Variants in UBE2QL1 observed in about 807,000 individuals in gnomAD.
The protein encoded by UBE2QL1 is ubiquitin-conjugating enzyme E2Q-like protein 1.
In UBE2QL1, 5 loss-of-function variants were observed where a neutral mutation model predicts 12.6. That is an observed-to-expected ratio of 0.40 (90% CI 0.21 to 0.83). The LOEUF is 0.83. Ranked by LOEUF, UBE2QL1 falls within the 40% of genes least tolerant of loss-of-function variation. UBE2QL1 has a pLI of 0.37. For synonymous variants in UBE2QL1, 96 were observed against 94.5 expected (o/e 1.02, Z -0.10); for missense variants, 99 against 222.6 (o/e 0.44, Z 3.53).
intron 1 of UBE2QL1, among the ~76,000 whole-genome samples, chr5:6,462,140 A>C (rs1184239229): frequency 6.6e-6 from 1 of 152,230 alleles, no homozygotes; most frequent in Non-Finnish European, 1.5e-5. Flanking sequence ...CCGAGACTTC[A>C]GAACTGGGTC....
At chr5:6,465,421 G>A (rs1168273925) in intron 1 of UBE2QL1, among the ~76,000 whole-genome samples, 1 of 152,236 alleles carries the variant, frequency 6.6e-6, no homozygotes, top group Non-Finnish European at 1.5e-5. Flanking sequence ...AGAGCCAAGT[G>A]AAGTGGCAGA....
At chr5:6,466,696 G>C (rs199500805) in intron 1 of UBE2QL1, among the ~76,000 whole-genome samples, 1 of 152,256 alleles carries the variant, frequency 6.6e-6, no homozygotes, top group Non-Finnish European at 1.5e-5. Context: ...TAGCCACAAA[G>C]CCAGGGCCGT....
At chr5:6,459,293 T>G (rs1739601207) in intron 1 of UBE2QL1, among the ~76,000 whole-genome samples, 1 of 152,210 alleles carries the variant, frequency 6.6e-6, no homozygotes, top group African/African-American at 2.4e-5. Flanking sequence ...AAAACTGATC[T>G]AATAAAAAGT....
rs1734310107 is a variant in UBE2QL1, at chr5:6,479,129, G to T, written c.355-12089G>T. 6.6e-6 allele frequency among the ~76,000 whole-genome samples: 1 copy of T among 152,106 alleles called. No homozygotes were observed. The highest frequency in any genetic ancestry group is 2.4e-5 in the African/African-American group (1 of 41,420). On this transcript the variant is annotated intron_variant, in intron 1 of 1. Coordinates refer to ENST00000399816, the MANE Select transcript of UBE2QL1 (RefSeq NM_001145161.3). This position sits in a 1 kb window ranked among gnomAD's most constrained non-coding sequence, Gnocchi z 4.2. ...AGCCGTGGGCATCTAGGGACACACA[G>T]CACGGGAGGCCACAGAGCTGAGTGA... is the stretch of plus-strand genomic sequence containing the variant.
At chr5:6,473,487 C>A (rs1226600753) in intron 1 of UBE2QL1, among the ~76,000 whole-genome samples, 1 of 152,226 alleles carries the variant, frequency 6.6e-6, no homozygotes, top group African/African-American at 2.4e-5. Context: ...CTGCTCACCA[C>A]CCACTGGCCA....
chr5:6,484,300 G>A (rs979591817), intron 1 of UBE2QL1, among the ~76,000 whole-genome samples: 1 of 152,146 alleles, frequency 6.6e-6, no homozygotes, highest in African/African-American at 2.4e-5. Context: ...GGAGGAAGTC[G>A]CCCAGCCTGT....
chr5:6,470,424 A>G (rs1462021235), intron 1 of UBE2QL1, among the ~76,000 whole-genome samples: 1 of 152,236 alleles, frequency 6.6e-6, no homozygotes, highest in Non-Finnish European at 1.5e-5. Context: ...TATAGAAAAT[A>G]GTACATGCTA....
chr5:6,484,141 C>G (rs1467541602), intron 1 of UBE2QL1, among the ~76,000 whole-genome samples: 1 of 152,210 alleles, frequency 6.6e-6, no homozygotes, highest in Non-Finnish European at 1.5e-5. Flanking sequence ...CTGTTGGTGT[C>G]TGAACGATGA....
At position 6,476,426 on chromosome 5, in the gene UBE2QL1, G is replaced by A. The variant is rs1402670725; in HGVS notation, c.355-14792G>A. ...AACATCCCATTTTAAGAATGTGTTT[G>A]GAGTTTGCCCTCTGGGTCACGGGGC... On this transcript the variant is annotated intron_variant, in intron 1 of 1. Transcript: ENST00000399816. This position sits in a 1 kb window ranked among gnomAD's most constrained non-coding sequence, Gnocchi z 4.9. Among the ~76,000 whole-genome samples the A allele has an allele frequency of 6.6e-6, 1 of 152,208 alleles. No homozygotes were observed. The highest frequency in any genetic ancestry group is 1.5e-5 in the Non-Finnish European group (1 of 68,038).
In UBE2QL1 at chr5:6,478,800, A is replaced by G. The variant is rs759812253; in HGVS notation, c.355-12418A>G. 2.6e-5 allele frequency among the ~76,000 whole-genome samples: 4 copies of G among 152,138 alleles called. No homozygotes were observed. The highest frequency in any genetic ancestry group is 7.2e-5 in the African/African-American group (3 of 41,434). On this transcript the variant is annotated intron_variant, in intron 1 of 1. Transcript: ENST00000399816. This position sits in a 1 kb window ranked among gnomAD's most constrained non-coding sequence, Gnocchi z 4.5. ...AAGGGCTTAGGGCTGCAGGTGGATGATCTCCTGCGCACGTGGGAGAGTGAT... is the reference window on the plus strand; with the variant it reads ...AAGGGCTTAGGGCTGCAGGTGGATGGTCTCCTGCGCACGTGGGAGAGTGAT...
chr5:6,459,505 C>A (rs138765581), intron 1 of UBE2QL1, among the ~76,000 whole-genome samples: 2,409 of 152,226 alleles, frequency 0.016, 21 homozygotes, highest in Non-Finnish European at 0.024. Context: ...GACTGCATGG[C>A]CTCGAGGTGT....
chr5:6,491,133 C>A, intron 1 of UBE2QL1, 85 bp from the exon 2 acceptor site: 1 of 1,410,312 alleles, frequency 7.1e-7, no homozygotes, highest in Non-Finnish European at 9.5e-7. Context: ...GAAATCCCCA[C>A]GACTCTGTGT....
At chr5:6,480,619 A>C (rs1365995176) in intron 1 of UBE2QL1, among the ~76,000 whole-genome samples, 4 of 152,170 alleles carry the variant, frequency 2.6e-5, no homozygotes, top group African/African-American at 9.6e-5. Flanking sequence ...TCCTCCAAGA[A>C]AGTACCATCT....
rs765639483 is a variant in UBE2QL1 at position 6,479,907 on chromosome 5, G to A, written c.355-11311G>A. On this transcript the variant is annotated intron_variant, in intron 1 of 1. Coordinates refer to ENST00000399816, the MANE Select transcript of UBE2QL1 (RefSeq NM_001145161.3). The surrounding 1 kb of genome is among the most constrained non-coding windows in gnomAD (Gnocchi z 4.2). ...CAAAGACCAGAATGTACGTAGTAAA[G>A]GTAGACTCAGGGCCCTGATCATCTC... 6.6e-6 allele frequency among the ~76,000 whole-genome samples: 1 copy of A among 152,196 alleles called. No individual in the cohort carries two copies. Among genetic ancestry groups the A allele is most frequent in the Non-Finnish European group, 1.5e-5 (1 of 68,018 alleles).
In UBE2QL1 at chr5:6,448,909, G is replaced by A. The variant is rs910273767; in HGVS notation, c.16G>A (p.Asp6Asn). 4.5e-6 allele frequency: 7 copies of A among 1,538,744 alleles called. No individual in the cohort carries two copies. Among genetic ancestry groups the A allele is most frequent in the Non-Finnish European group, 6.1e-6 (7 of 1,141,704 alleles). The change falls in exon 1 of 2, where the codon GAC (aspartate) becomes AAC (asparagine). Residue 6 changes from aspartate (D) to asparagine (N), a missense_variant. By Grantham distance (23) the Asp-to-Asn change is conservative. Transcript: ENST00000399816. MKELQ[D>N]IARLSDRFIS... ...CCGGCGGCTCATGAAGGAGCTGCAG[G>A]ACATCGCGCGCCTTAGCGACCGCTT...
intron 1 of UBE2QL1, among the ~76,000 whole-genome samples, chr5:6,472,839 C>T (rs1191010030): frequency 6.6e-6 from 1 of 152,208 alleles, no homozygotes; most frequent in Non-Finnish European, 1.5e-5. Flanking sequence ...TCCTCACCGT[C>T]CCATCACGAG....
chr5:6,475,227 A>G (rs1174360776), intron 1 of UBE2QL1, among the ~76,000 whole-genome samples: 1 of 152,358 alleles, frequency 6.6e-6, no homozygotes, highest in Non-Finnish European at 1.5e-5. Flanking sequence ...TAGCCATCCT[A>G]GTTGCTTATA....
chr5:6,449,005 T>C lies in UBE2QL1; in HGVS notation c.112T>C (p.Ser38Pro), dbSNP rs1739358762. The change falls in exon 1 of 2, where the codon TCG (serine) becomes CCG (proline). Residue 38 changes from serine (S) to proline (P), a missense_variant. Transcript: ENST00000399816. ...GAAGCTGCACCAGGTGGACAAGGAC[T>C]CGGTGCTGTGGCAGGACATGAAGGA... ...NVKLHQVDKD[S>P]VLWQDMKETN... 1 of 1,549,852 alleles carries C rather than the reference T, an allele frequency of 6.5e-7. No individual in the cohort carries two copies. The highest frequency in any genetic ancestry group is 1.4e-5 in the African/African-American group (1 of 73,004).
At chr5:6,474,872 A>G (rs1377167056) in intron 1 of UBE2QL1, among the ~76,000 whole-genome samples, 2 of 152,170 alleles carry the variant, frequency 1.3e-5, no homozygotes, top group Non-Finnish European at 2.9e-5. Context: ...ACCAGGTCAC[A>G]TCCCACCTCC....
Sources: gnomAD v4.1 joint callset for allele counts (sites outside exome capture counted in the v4.1 genomes callset) on GRCh38, gnomAD v4.1.1 for gene constraint, Gnocchi (gnomAD v3.1) non-coding constraint, MANE v1.5 for transcripts, NCBI Gene and HGNC (gene_info 2026-07-23, HGNC 2026-07-21) for gene names.